Variants in KIFAP3 observed in about 807,000 individuals in gnomAD.
KIFAP3 encodes kinesin associated protein 3.
In KIFAP3, 68 loss-of-function variants were observed where a neutral mutation model predicts 106.5. That is an observed-to-expected ratio of 0.64 (90% CI 0.53 to 0.78). The LOEUF (loss-of-function observed/expected upper bound fraction) is 0.78. KIFAP3 is among the 30% of genes least tolerant of loss of function. KIFAP3 has a pLI of 0.00. For missense variants in KIFAP3, 780 were observed against 941.8 expected (o/e 0.83, Z 2.25); for synonymous variants, 320 against 311.5 (o/e 1.03, Z -0.29).
chr1:169,936,266 T>C (rs1371587712), intron 19 of KIFAP3, among the ~76,000 whole-genome samples: 1 of 151,828 alleles, frequency 6.6e-6, no homozygotes, highest in African/African-American at 2.4e-5. Context: ...CAGTAAAACT[T>C]TCACCCATGA....
intron 1 of KIFAP3, among the ~76,000 whole-genome samples, chr1:170,072,131 C>T (rs1208707506): frequency 6.6e-6 from 1 of 152,170 alleles, no homozygotes; most frequent in African/African-American, 2.4e-5. Flanking sequence ...ATGTTGTTCA[C>T]TTTTAATATC....
At chr1:170,053,114 C>T (rs1158123966) in intron 2 of KIFAP3, among the ~76,000 whole-genome samples, 1 of 152,202 alleles carries the variant, frequency 6.6e-6, no homozygotes, top group East Asian at 1.9e-4. Flanking sequence ...AGCCTAAAAA[C>T]TCCTTAAGCT....
chr1:169,993,466 T>A (rs147733738), intron 10 of KIFAP3, among the ~76,000 whole-genome samples: 1 of 151,776 alleles, frequency 6.6e-6, no homozygotes, highest in East Asian at 1.9e-4. Flanking sequence ...TCAGTAAGTA[T>A]CTGCTGATTG....
At chr1:169,974,310 T>C (rs564143057) in intron 16 of KIFAP3, among the ~76,000 whole-genome samples, 3 of 152,076 alleles carry the variant, frequency 2.0e-5, no homozygotes, top group Admixed American at 1.3e-4. Flanking sequence ...TCCACACATT[T>C]CTACTAAGAA....
Position 169,984,646 on chromosome 1 carries a change from C to T in KIFAP3, c.1329G>A (p.Leu443=). The T allele has an allele frequency of 1.9e-6, 3 of 1,608,236 alleles. No homozygotes were observed. The highest frequency in any genetic ancestry group is 1.1e-5 in the South Asian group (1 of 90,454). The change falls in exon 12 of 20, where the codon TTG becomes TTA. Residue 443 remains leucine (L), a synonymous_variant. Coordinates refer to ENST00000361580, the MANE Select transcript of KIFAP3 (RefSeq NM_014970.4). ...GATTAATGCAGAAAGAAATGAGTTCCAAGTCAATTCGTTCATCTGAACATT... is the reference window on the plus strand; with the variant it reads ...GATTAATGCAGAAAGAAATGAGTTCTAAGTCAATTCGTTCATCTGAACATT... The part of the protein sequence containing the change: ...LFECSDERID[L]ELISFCINLA...
upstream of KIFAP3, among the ~76,000 whole-genome samples, chr1:170,078,354 T>G (rs965639195): frequency 6.6e-6 from 1 of 152,176 alleles, no homozygotes; most frequent in Non-Finnish European, 1.5e-5. Flanking sequence ...CTATACCATT[T>G]TTGAATTCTC....
chr1:169,963,391 T>C (rs1024185654), intron 17 of KIFAP3, among the ~76,000 whole-genome samples: 1 of 152,236 alleles, frequency 6.6e-6, no homozygotes, highest in East Asian at 1.9e-4. Context: ...CTTTGCTTAT[T>C]GTAAACAGTG....
At chr1:169,922,566 T>C (rs956905229) in intron 19 of KIFAP3, among the ~76,000 whole-genome samples, 2 of 152,234 alleles carry the variant, frequency 1.3e-5, no homozygotes, top group Non-Finnish European at 2.9e-5. Flanking sequence ...ATTAATACAT[T>C]ATTTAGAGGA....
intron 18 of KIFAP3, among the ~76,000 whole-genome samples, chr1:169,959,076 T>A (rs1184935124): frequency 1.3e-5 from 2 of 152,176 alleles, no homozygotes; most frequent in Non-Finnish European, 2.9e-5. Context: ...CAGTTTAACC[T>A]CTGTGGCTGA....
intron 18 of KIFAP3, among the ~76,000 whole-genome samples, chr1:169,960,244 T>C (rs1041742150): frequency 7.9e-5 from 12 of 152,036 alleles, no homozygotes; most frequent in African/African-American, 2.9e-4. Flanking sequence ...TAGAAACACA[T>C]AGTAGAAAAT....
rs927012683 is a variant in KIFAP3 at position 169,986,037 on chromosome 1, T to A, written c.1285-1347A>T. On this transcript the variant is annotated intron_variant, in intron 11 of 19. Transcript: ENST00000361580. Reference sequence around the variant, plus strand: ...AATTGTTAACAACAAATAGAAGTTATTCCTAAAATTTATAATATAAAAACT... The same window carrying A: ...AATTGTTAACAACAAATAGAAGTTAATCCTAAAATTTATAATATAAAAACT... Among the ~76,000 whole-genome samples, 38 of 151,876 alleles carry A rather than the reference T, an allele frequency of 2.5e-4. 2 individuals carry two copies. Among genetic ancestry groups the A allele is most frequent in the Non-Finnish European group, 2.9e-5 (2 of 67,876 alleles).
At chr1:170,037,803 C>A (rs1446473424) in intron 5 of KIFAP3, among the ~76,000 whole-genome samples, 1 of 151,898 alleles carries the variant, frequency 6.6e-6, no homozygotes, top group African/African-American at 2.4e-5. Context: ...AAAAATGATT[C>A]TATAGTGGTG....
chr1:169,973,005 T>G (rs1317474045), intron 16 of KIFAP3, among the ~76,000 whole-genome samples: 3 of 149,852 alleles, frequency 2.0e-5, no homozygotes, highest in African/African-American at 7.3e-5. Context: ...ACAAGAGAGA[T>G]TCATGGTCAA....
chr1:169,966,155 G>A (rs558362220), intron 17 of KIFAP3, among the ~76,000 whole-genome samples: 2 of 151,654 alleles, frequency 1.3e-5, no homozygotes, highest in African/African-American at 4.8e-5. Flanking sequence ...TAATCTCTAC[G>A]ACTAACATAC....
Position 169,966,915 on chromosome 1 carries a change from TCTC to T in KIFAP3, c.1983+5595_1983+5597del, listed in dbSNP as rs549787797. ...CAATATTCATTAAAATATTTTTACT[TCTC>T]CTTTTCCTTAGTAGTAAATGTTACT... On this transcript the variant is annotated intron_variant, in intron 17 of 19. Coordinates refer to ENST00000361580, the MANE Select transcript of KIFAP3 (RefSeq NM_014970.4). Among the ~76,000 whole-genome samples, 140 of 151,966 alleles carry T rather than the reference TCTC, an allele frequency of 9.2e-4. 1 individual carries two copies. Among genetic ancestry groups the T allele is most frequent in the Non-Finnish European group, 1.3e-3 (86 of 67,772 alleles).
chr1:170,035,935 GATA>G (rs1206341278), intron 5 of KIFAP3, among the ~76,000 whole-genome samples: 3 of 151,330 alleles, frequency 2.0e-5, no homozygotes, highest in Admixed American at 2.0e-4. Flanking sequence ...TAATGTATTT[GATA>G]ATATGAAAAA....
chr1:170,020,103 C>G (rs12127911), intron 9 of KIFAP3, among the ~76,000 whole-genome samples: 9,580 of 152,090 alleles, frequency 0.063, 383 homozygotes, highest in Non-Finnish European at 0.095. Flanking sequence ...AGGTATAAAT[C>G]TAACAAAATA....
intron 16 of KIFAP3, among the ~76,000 whole-genome samples, chr1:169,974,405 T>C (rs193230485): frequency 2.0e-5 from 3 of 152,126 alleles, no homozygotes; most frequent in Admixed American, 6.6e-5. Context: ...TCATGACTAG[T>C]GGCAAAGTGA....
chr1:170,072,219 CATATTTCTTTCTAGTCTT>C (rs1244348695), intron 1 of KIFAP3, among the ~76,000 whole-genome samples: 2 of 152,162 alleles, frequency 1.3e-5, no homozygotes, highest in Non-Finnish European at 2.9e-5. Context: ...TGATTTGGCT[CATATTTCTTTCTAGTCTT>C]ATTCTGACTT....
Sources: gnomAD v4.1 joint callset for allele counts (sites outside exome capture counted in the v4.1 genomes callset) on GRCh38, gnomAD v4.1.1 for gene constraint, MANE v1.5 for transcripts, NCBI Gene and HGNC (gene_info 2026-07-23, HGNC 2026-07-21) for gene names.